ZRANB3: variants seen among roughly 807,000 people sequenced by gnomAD.
ZRANB3 encodes DNA annealing helicase and endonuclease ZRANB3.
A neutral mutation model predicts 133.8 loss-of-function variants in ZRANB3; 125 were observed. That is an observed-to-expected ratio of 0.93 (90% CI 0.81 to 1.08). The LOEUF (loss-of-function observed/expected upper bound fraction) is 1.08. ZRANB3 is among the 50% of genes least tolerant of loss of function. The pLI is 0.00. For synonymous variants in ZRANB3, 387 were observed against 432.7 expected (o/e 0.89, Z 1.31); for missense variants, 1,229 against 1,275.5 (o/e 0.96, Z 0.56).
chr2:135,466,324 A>C (rs962851507), intron 2 of ZRANB3, among the ~76,000 whole-genome samples: 2 of 136,478 alleles, frequency 1.5e-5, no homozygotes, highest in Non-Finnish European at 3.1e-5. Flanking sequence ...CGGAGGTTGC[A>C]GTGAGCTGAG....
At chr2:135,456,525 T>C (rs1336974201) in intron 2 of ZRANB3, among the ~76,000 whole-genome samples, 2 of 152,218 alleles carry the variant, frequency 1.3e-5, no homozygotes, top group African/African-American at 2.4e-5. Flanking sequence ...GCACTATTCA[T>C]GACAATCTAT....
intron 3 of ZRANB3, 40 bp downstream of exon 3, chr2:135,390,762 G>GTTTT: frequency 6.9e-7 from 1 of 1,457,944 alleles, no homozygotes. Flanking sequence ...AACAAGCTGT[G>GTTTT]TAATCTTATA....
At chr2:135,445,859 G>A (rs1331700823) in intron 2 of ZRANB3, among the ~76,000 whole-genome samples, 1 of 130,350 alleles carries the variant, frequency 7.7e-6, no homozygotes, top group Non-Finnish European at 1.6e-5. Context: ...CTGGGTGACA[G>A]AGCAAGACTC....
chr2:135,297,511 C>T (rs1439998171), intron 8 of ZRANB3, among the ~76,000 whole-genome samples: 2 of 152,248 alleles, frequency 1.3e-5, no homozygotes, highest in African/African-American at 2.4e-5. Flanking sequence ...AATTCCCTGA[C>T]CCCTTGCGCT....
intron 3 of ZRANB3, among the ~76,000 whole-genome samples, chr2:135,383,329 C>G: frequency 6.6e-6 from 1 of 152,100 alleles, no homozygotes; most frequent in Non-Finnish European, 1.5e-5. Flanking sequence ...AATACAGGAG[C>G]ACACAGATTC....
At chr2:135,338,489 G>C (rs953380336) in intron 6 of ZRANB3, among the ~76,000 whole-genome samples, 1 of 152,250 alleles carries the variant, frequency 6.6e-6, no homozygotes, top group Non-Finnish European at 1.5e-5. Flanking sequence ...CTATAGAGAA[G>C]TCTCAGAGAC....
intron 2 of ZRANB3, among the ~76,000 whole-genome samples, chr2:135,402,982 GA>G (rs1558973289): frequency 2.0e-5 from 3 of 152,270 alleles, no homozygotes; most frequent in African/African-American, 7.2e-5. Flanking sequence ...GTGCAGCCAA[GA>G]TGGCCAAATA....
At chr2:135,393,731 G>T (rs957598052) in intron 2 of ZRANB3, among the ~76,000 whole-genome samples, 2 of 152,054 alleles carry the variant, frequency 1.3e-5, no homozygotes, top group Non-Finnish European at 2.9e-5. Flanking sequence ...TCTTCTAAGT[G>T]TCCAGAAAGA....
chr2:135,266,330 C>T (rs1680244785), intron 11 of ZRANB3, among the ~76,000 whole-genome samples: 1 of 152,208 alleles, frequency 6.6e-6, no homozygotes, highest in Admixed American at 6.5e-5. Flanking sequence ...CTTTTACTCC[C>T]TAACATATTT....
chr2:135,402,308 T>C (rs1687768442), intron 2 of ZRANB3, among the ~76,000 whole-genome samples: 1 of 151,196 alleles, frequency 6.6e-6, no homozygotes, highest in Non-Finnish European at 1.5e-5. Context: ...TTTTTTTTTT[T>C]TTTTGAGACG....
chr2:135,506,445 T>C (rs1289347649), intron 1 of ZRANB3, among the ~76,000 whole-genome samples: 2 of 152,020 alleles, frequency 1.3e-5, no homozygotes, highest in East Asian at 3.9e-4. Context: ...GGGAACGGTG[T>C]AAGATGAAGC....
intron 3 of ZRANB3, among the ~76,000 whole-genome samples, chr2:135,378,800 A>G (rs1200638101): frequency 6.6e-6 from 1 of 152,198 alleles, no homozygotes; most frequent in African/African-American, 2.4e-5. Flanking sequence ...TTGAATTCCA[A>G]TTAAGGGACA....
At chr2:135,512,364 C>A (rs2104832050) in intron 1 of ZRANB3, among the ~76,000 whole-genome samples, 1 of 151,854 alleles carries the variant, frequency 6.6e-6, no homozygotes, top group East Asian at 1.9e-4. Flanking sequence ...AAATACACTA[C>A]CTAGAGACTT....
intron 3 of ZRANB3, among the ~76,000 whole-genome samples, chr2:135,366,787 G>A (rs1489169495): frequency 2.0e-5 from 3 of 152,086 alleles, no homozygotes; most frequent in African/African-American, 7.2e-5. Flanking sequence ...GGGAGACCGA[G>A]GTGGGTGGAT....
intron 2 of ZRANB3, among the ~76,000 whole-genome samples, chr2:135,418,878 T>C (rs961110648): frequency 8.7e-5 from 13 of 149,720 alleles, no homozygotes; most frequent in Non-Finnish European, 1.9e-4. Context: ...TTTTCCTAAC[T>C]ATATATACCT....
chr2:135,408,984 A>G (rs1376809469), intron 2 of ZRANB3, among the ~76,000 whole-genome samples: 2 of 152,284 alleles, frequency 1.3e-5, no homozygotes, highest in East Asian at 3.9e-4. Context: ...AAAAAAAAGA[A>G]AAAGAAATGC....
chr2:135,306,587 C>T (rs58074456), intron 8 of ZRANB3, among the ~76,000 whole-genome samples: 4 of 142,136 alleles, frequency 2.8e-5, no homozygotes, highest in Non-Finnish European at 4.6e-5. Context: ...CCACCGCACC[C>T]GGCCTTTTTT....
chr2:135,292,815 C>T (rs1246238768), intron 8 of ZRANB3, among the ~76,000 whole-genome samples: 1 of 152,142 alleles, frequency 6.6e-6, no homozygotes, highest in Non-Finnish European at 1.5e-5. Context: ...CTACATATGG[C>T]TAGCCAGTTT....
chr2:135,430,570 G>A (rs1366841359), intron 2 of ZRANB3, among the ~76,000 whole-genome samples: 2 of 151,998 alleles, frequency 1.3e-5, no homozygotes, highest in Non-Finnish European at 2.9e-5. Flanking sequence ...TTGTTTTAGA[G>A]GACATAAACA....
Sources: gnomAD v4.1 joint callset for allele counts (sites outside exome capture counted in the v4.1 genomes callset) on GRCh38, gnomAD v4.1.1 for gene constraint, MANE v1.5 for transcripts, NCBI Gene and HGNC (gene_info 2026-07-23, HGNC 2026-07-21) for gene names.